Variants in ALX1 observed in about 807,000 individuals in gnomAD.
ALX1 encodes the protein ALX homeobox 1.
ALX1 carries 19 observed loss-of-function variants against 31.7 expected under a neutral mutation model. The observed-to-expected ratio is 0.60, with a 90% CI of 0.42 to 0.88. The LOEUF (loss-of-function observed/expected upper bound fraction) is 0.88. Among genes scored for constraint, ALX1 ranks in the 40% least tolerant of loss-of-function variants. ALX1 has a pLI of 0.00. For missense variants in ALX1, 415 were observed against 407.8 expected, an observed-to-expected ratio of 1.02 and a Z score of -0.15; for synonymous variants, 153 against 148.8, an observed-to-expected ratio of 1.03 and a Z score of -0.20.
rs756262205 is a variant in ALX1 at position 85,301,443 on chromosome 12, G to C, written c.949G>C (p.Glu317Gln). The C allele has an allele frequency of 1.9e-6, 3 of 1,613,938 alleles. No homozygotes were observed. The highest frequency in any genetic ancestry group is 2.5e-6 in the Non-Finnish European group (3 of 1,179,920). ...CGCAGTTCTTCGAATGAAAGCCAAGGAGCACACCGCCAATATTTCATGGGC... is the reference window on the plus strand; with the variant it reads ...CGCAGTTCTTCGAATGAAAGCCAAGCAGCACACCGCCAATATTTCATGGGC... ...SIAVLRMKAK[E>Q]HTANISWAM Residue 317 changes from glutamate (E) to glutamine (Q), a missense_variant, in exon 4 of 4, where the codon GAG becomes CAG. Physicochemically the swap from Glu to Gln is conservative, Grantham distance 29. Around this residue, in one of 3 missense-constraint regions of ALX1, gnomAD observed 174 missense variants for 177.5 expected, o/e 0.98. Transcript: ENST00000316824.
At chr12:85,289,560 A>G (rs912348851) in intron 3 of ALX1, among the ~76,000 whole-genome samples, 7 of 151,216 alleles carry the variant, frequency 4.6e-5, no homozygotes, top group South Asian at 2.1e-4. Context: ...CATTGGCTAT[A>G]CCACCTGATA....
rs530921488 is a variant in ALX1 at position 85,285,092 on chromosome 12, T to A, written c.531+1216T>A. Among the ~76,000 whole-genome samples, 36 of 152,242 alleles carry A rather than the reference T, an allele frequency of 2.4e-4. 1 individual carries two copies. The South Asian group carries it at 6.8e-3, about 29-fold the overall frequency. On this transcript the variant is annotated intron_variant, in intron 2 of 3. Coordinates refer to ENST00000316824, the MANE Select transcript of ALX1 (RefSeq NM_006982.3). ...AATTGTCGAGTATTAACACCCGCTG[T>A]GTAAGTTTGAGATTTTTGTCTTTGT...
At chr12:85,290,407 T>C (rs1008190332) in intron 3 of ALX1, among the ~76,000 whole-genome samples, 6 of 151,154 alleles carry the variant, frequency 4.0e-5, no homozygotes, top group Non-Finnish European at 8.9e-5. Flanking sequence ...AAGAGTGAAA[T>C]TATTCAAATT....
At chr12:85,291,396 A>T (rs1896816586) in intron 3 of ALX1, among the ~76,000 whole-genome samples, 1 of 151,122 alleles carries the variant, frequency 6.6e-6, no homozygotes, top group South Asian at 2.1e-4. Flanking sequence ...ATAAATCTAA[A>T]TAATTTTGGC....
chr12:85,300,496 C>CA (rs1896948817), intron 3 of ALX1, among the ~76,000 whole-genome samples: 1 of 152,036 alleles, frequency 6.6e-6, no homozygotes, highest in Non-Finnish European at 1.5e-5. Flanking sequence ...TTACATGTCA[C>CA]ATGTCTGTTT....
intron 1 of ALX1, among the ~76,000 whole-genome samples, chr12:85,282,544 GA>G (rs1896689660): frequency 6.6e-6 from 1 of 152,020 alleles, no homozygotes; most frequent in African/African-American, 2.4e-5. Context: ...AGAAACAAAT[GA>G]AAAAAGTATG....
chr12:85,293,494 A>G (rs117817998), intron 3 of ALX1, among the ~76,000 whole-genome samples: 3,832 of 150,962 alleles, frequency 0.025, 70 homozygotes, highest in Non-Finnish European at 0.039. Flanking sequence ...CAAAGACTCT[A>G]AAGAGGCAAA....
chr12:85,299,938 A>G (rs940453806), intron 3 of ALX1, among the ~76,000 whole-genome samples: 1 of 151,970 alleles, frequency 6.6e-6, no homozygotes, highest in African/African-American at 2.4e-5. Flanking sequence ...AGGAAACCTG[A>G]TGTGATTAAC....
intron 3 of ALX1, among the ~76,000 whole-genome samples, chr12:85,287,828 G>A (rs1896769760): frequency 6.6e-6 from 1 of 151,264 alleles, no homozygotes; most frequent in South Asian, 2.1e-4. Context: ...GCATTATTTT[G>A]TTATTTATTA....
chr12:85,298,314 A>G (rs527419128), intron 3 of ALX1, among the ~76,000 whole-genome samples: 3 of 151,706 alleles, frequency 2.0e-5, no homozygotes, highest in African/African-American at 4.8e-5. Flanking sequence ...GTGTACTGAA[A>G]CAATTAAAAG....
intron 3 of ALX1, among the ~76,000 whole-genome samples, chr12:85,290,509 T>C (rs1226438491): frequency 6.6e-6 from 1 of 151,236 alleles, no homozygotes; most frequent in Non-Finnish European, 1.5e-5. Flanking sequence ...CCTCATTGAC[T>C]GTTTCAAGAT....
At chr12:85,295,581 T>C (rs755780995) in intron 3 of ALX1, among the ~76,000 whole-genome samples, 1 of 151,562 alleles carries the variant, frequency 6.6e-6, no homozygotes, top group Non-Finnish European at 1.5e-5. Context: ...TAGATTTTCA[T>C]GTAAAGAGGT....
rs142344097 is a variant in ALX1, at chr12:85,298,547, G to T, written c.661-2608G>T. ...AACAATGTTTCTAAAGTCAAATAAA[G>T]ATTTGCTGGAAATTTAAAAAAGGAA... is the stretch of plus-strand genomic sequence containing the variant. On this transcript the variant is annotated intron_variant, in intron 3 of 3. Transcript: ENST00000316824. 7.9e-3 allele frequency among the ~76,000 whole-genome samples: 1,199 copies of T among 151,724 alleles called. 21 individuals are homozygous for T. The highest frequency in any genetic ancestry group is 0.027 in the African/African-American group (1,132 of 41,464).
chr12:85,298,347 A>G (rs545690269), intron 3 of ALX1, among the ~76,000 whole-genome samples: 7 of 151,850 alleles, frequency 4.6e-5, no homozygotes, highest in Non-Finnish European at 8.9e-5. Context: ...ATTTAACATA[A>G]TGCCTCACGC....
intron 3 of ALX1, among the ~76,000 whole-genome samples, chr12:85,289,455 A>T (rs545256908): frequency 1.3e-5 from 2 of 151,352 alleles, no homozygotes; most frequent in African/African-American, 4.8e-5. Context: ...TATATATTTG[A>T]TCATCTTTTT....
rs905092776 is a variant in ALX1, at chr12:85,301,572, T to C, written c.*97T>C. The C allele has an allele frequency of 1.5e-6, 2 of 1,297,570 alleles. No homozygotes were observed. Among genetic ancestry groups the C allele is most frequent in the East Asian group, 4.9e-5 (2 of 41,142 alleles). 80.4% of individuals were successfully genotyped at this position (1,297,570 alleles called of 1,614,324 possible). ...CACAATAAGCTGCTGTGTGTGGAAT[T>C]GCTAAAGGTCAAGATATTCAGTGAG... is the stretch of plus-strand genomic sequence containing the variant. On this transcript the variant is annotated 3_prime_UTR_variant, in exon 4 of 4. Transcript: ENST00000316824.
chr12:85,298,909 T>A (rs562817594), intron 3 of ALX1, among the ~76,000 whole-genome samples: 3 of 151,852 alleles, frequency 2.0e-5, no homozygotes, highest in African/African-American at 7.2e-5. Context: ...AGATTTATGT[T>A]AATTATGTTA....
Position 85,280,497 on chromosome 12 carries a change from T to C in ALX1, c.226+10T>C, listed in dbSNP as rs1190213895. The C allele has an allele frequency of 6.2e-7, 1 of 1,607,736 alleles. No homozygotes were observed. Among genetic ancestry groups the C allele is most frequent in the South Asian group, 1.1e-5 (1 of 90,880 alleles). ...TGTCAGGACAGCAGCGGTGAGTCGCTAGCGCCCCAGCCGGAGCCGCCGCAG... is the reference window on the plus strand; with the variant it reads ...TGTCAGGACAGCAGCGGTGAGTCGCCAGCGCCCCAGCCGGAGCCGCCGCAG... On this transcript the variant is annotated intron_variant, in intron 1 of 3. Coordinates refer to ENST00000316824, the MANE Select transcript of ALX1 (RefSeq NM_006982.3).
intron 3 of ALX1, among the ~76,000 whole-genome samples, chr12:85,291,477 A>G (rs1383594068): frequency 2.0e-5 from 3 of 151,190 alleles, no homozygotes; most frequent in Admixed American, 6.6e-5. Context: ...GGCAAAACCA[A>G]AGAATTTTAA....
Sources: allele counts gnomAD v4.1 joint callset (sites outside exome capture counted in the v4.1 genomes callset), GRCh38; gene constraint gnomAD v4.1.1; regional missense constraint gnomAD v4.1.1; transcripts MANE v1.5; gene names NCBI Gene and HGNC (gene_info 2026-07-23, HGNC 2026-07-21).